Variants in DNAJB6 observed in about 807,000 individuals in gnomAD.
The protein encoded by DNAJB6 is DnaJ heat shock protein family (Hsp40) member B6.
A neutral mutation model predicts 42.7 loss-of-function variants in DNAJB6; 16 were observed. The ratio of observed to expected loss-of-function variants is 0.37; its 90% CI spans 0.25 to 0.57. The LOEUF (loss-of-function observed/expected upper bound fraction) is 0.57. Among genes scored for constraint, DNAJB6 ranks in the 20% least tolerant of loss-of-function variants. The pLI, the probability that DNAJB6 is intolerant of heterozygous loss-of-function variation, is 0.74. For missense variants in DNAJB6, 347 were observed against 416.8 expected, an observed-to-expected ratio of 0.83 and a Z score of 1.46; for synonymous variants, 170 against 163.5, an observed-to-expected ratio of 1.04 and a Z score of -0.30.
intron 1 of DNAJB6, among the ~76,000 whole-genome samples, chr7:157,346,394 A>C (rs1157493702): frequency 6.6e-6 from 1 of 151,248 alleles, no homozygotes; most frequent in East Asian, 1.9e-4. Flanking sequence ...GTATGTATCA[A>C]ATAATGCTAA....
At chr7:157,343,785 A>G (rs761369904) in intron 1 of DNAJB6, among the ~76,000 whole-genome samples, 2 of 152,206 alleles carry the variant, frequency 1.3e-5, no homozygotes, top group Non-Finnish European at 2.9e-5. Context: ...TCCTAAACTT[A>G]GAGGTCATTG....
At chr7:157,350,231 G>A (rs752284667) in intron 1 of DNAJB6, among the ~76,000 whole-genome samples, 2 of 152,170 alleles carry the variant, frequency 1.3e-5, no homozygotes, top group Non-Finnish European at 2.9e-5. Context: ...AAGACATTAC[G>A]ACATTGGAGC....
chr7:157,338,029 A>C (rs1798142500), intron 1 of DNAJB6, among the ~76,000 whole-genome samples: 2 of 152,210 alleles, frequency 1.3e-5, no homozygotes, highest in African/African-American at 4.8e-5. Flanking sequence ...GTTTGGGAAG[A>C]GTAGGCTGAG....
At chr7:157,361,302 GC>G (rs1799578328) in intron 2 of DNAJB6, among the ~76,000 whole-genome samples, 1 of 152,070 alleles carries the variant, frequency 6.6e-6, no homozygotes, top group African/African-American at 2.4e-5. Flanking sequence ...GGAACTGCAG[GC>G]GCCTGCCATG....
chr7:157,342,773 A>AG (rs1798471746), intron 1 of DNAJB6, among the ~76,000 whole-genome samples: 1 of 152,100 alleles, frequency 6.6e-6, no homozygotes, highest in African/African-American at 2.4e-5. Flanking sequence ...TTTTAATGAA[A>AG]GGGAGTTAAG....
chr7:157,366,996 C>CT (rs1799877292), intron 4 of DNAJB6, among the ~76,000 whole-genome samples: 2 of 152,354 alleles, frequency 1.3e-5, no homozygotes, highest in Admixed American at 1.3e-4. Context: ...TCCAAACCCA[C>CT]TGGGGCCACG....
chr7:157,368,846 A>T (rs1799969518), intron 5 of DNAJB6: 1 of 166,526 alleles, frequency 6.0e-6, no homozygotes, highest in Non-Finnish European at 1.3e-5. Flanking sequence ...TCGAGGAGGG[A>T]AAGAGAAGAG....
Position 157,382,239 on chromosome 7 carries a change from A to C in DNAJB6, c.347-7A>C, listed in dbSNP as rs755794590. The C allele has an allele frequency of 1.6e-5, 26 of 1,587,572 alleles. No homozygotes were observed. In the South Asian group the frequency reaches 2.7e-4, roughly 16 times the overall value. On this transcript the variant is annotated splice_polypyrimidine_tract_variant and splice_region_variant and intron_variant, in intron 5 of 9. Transcript: ENST00000262177. ...ACTTCATAGTGTGTGTTTATGTTTG[A>C]TTTTAGAAGACCCTTTTGAGGACTT...
chr7:157,382,445 C>CT (rs1433483435), intron 6 of DNAJB6, 68 bp downstream of exon 6: 1 of 1,496,626 alleles, frequency 6.7e-7, no homozygotes, highest in Non-Finnish European at 8.9e-7. Flanking sequence ...TCATAATACT[C>CT]TTTTAGTTAG....
rs1374148114 is a variant in DNAJB6, at chr7:157,367,962, C to CA, written c.346+487dup. On this transcript the variant is annotated intron_variant, in intron 5 of 9. Coordinates refer to ENST00000262177, the MANE Select transcript of DNAJB6 (RefSeq NM_058246.4). Reference sequence around the variant, plus strand: ...TGGTGAAACCCTGTCTCAACAACAACAAAAAAAATACTAAAAATTAGCTGA... The same window carrying CA: ...TGGTGAAACCCTGTCTCAACAACAACAAAAAAAAATACTAAAAATTAGCTGA... 5.9e-5 allele frequency among the ~76,000 whole-genome samples: 9 copies of CA among 151,554 alleles called. No individual in the cohort carries two copies. The South Asian group carries it at 1.2e-3, about 21-fold the overall frequency.
chr7:157,351,223 G>A (rs769653286), intron 1 of DNAJB6, among the ~76,000 whole-genome samples: 18 of 152,016 alleles, frequency 1.2e-4, no homozygotes, highest in Non-Finnish European at 2.1e-4. Flanking sequence ...TTTGAATACT[G>A]TCTCACTGTT....
rs144227992 is a variant in DNAJB6, at chr7:157,416,439, C to T, written c.*341C>T. 30 of 263,326 alleles carry T rather than the reference C, an allele frequency of 1.1e-4. No individual in the cohort carries two copies. The highest frequency in any genetic ancestry group is 6.1e-4 in the African/African-American group (28 of 45,984). The allele number at this position is 263,326 out of a possible 1,614,324, so 16.3% of individuals were successfully genotyped here. A position where few individuals can be genotyped will look rare whatever the true frequency, so the allele number is the denominator to read the frequency against. ...TGGAATATTTCTGGCTTTAGAAGTACAGGAGGGCGCAGATGGCTAACTGAG... is the reference window on the plus strand; with the variant it reads ...TGGAATATTTCTGGCTTTAGAAGTATAGGAGGGCGCAGATGGCTAACTGAG... On this transcript the variant is annotated 3_prime_UTR_variant, in exon 10 of 10. Coordinates refer to ENST00000262177, the MANE Select transcript of DNAJB6 (RefSeq NM_058246.4).
intron 1 of DNAJB6, among the ~76,000 whole-genome samples, chr7:157,354,315 T>C (rs1799162623): frequency 6.6e-6 from 1 of 151,994 alleles, no homozygotes; most frequent in Non-Finnish European, 1.5e-5. Flanking sequence ...GCCCGGCTAA[T>C]TTTGTATTTT....
chr7:157,350,277 TC>T (rs1798900749), intron 1 of DNAJB6, among the ~76,000 whole-genome samples: 1 of 152,190 alleles, frequency 6.6e-6, no homozygotes, highest in African/African-American at 2.4e-5. Context: ...GGTCAGGGTT[TC>T]TCAGGAGGAA....
intron 1 of DNAJB6, among the ~76,000 whole-genome samples, chr7:157,341,371 G>A (rs1252335306): frequency 2.6e-5 from 4 of 152,044 alleles, no homozygotes; most frequent in African/African-American, 7.2e-5. Flanking sequence ...TGATCCACCC[G>A]CCTCGGCCTC....
At chr7:157,374,353 G>A (rs868242995) in intron 5 of DNAJB6, among the ~76,000 whole-genome samples, 1 of 152,028 alleles carries the variant, frequency 6.6e-6, no homozygotes, top group African/African-American at 2.4e-5. Flanking sequence ...TGTACCTCCC[G>A]GGTTCAAGTG....
At chr7:157,387,505 C>T (rs1283251916) in intron 8 of DNAJB6, among the ~76,000 whole-genome samples, 6 of 152,256 alleles carry the variant, frequency 3.9e-5, no homozygotes, top group Non-Finnish European at 2.9e-5. Context: ...TGGACTAAGG[C>T]GTTTTATATT....
chr7:157,370,030 AACATTATTATTAAAC>A (rs1563128822), intron 5 of DNAJB6, among the ~76,000 whole-genome samples: 4 of 147,204 alleles, frequency 2.7e-5, no homozygotes, highest in East Asian at 2.0e-4. Flanking sequence ...GCCCTTTCTT[AACATTATTATTAAAC>A]AGGTCTTTCA....
At chr7:157,363,082 GTGGT>G in intron 2 of DNAJB6, 75 bp from the exon 3 acceptor site, 1 of 950,646 alleles carries the variant, frequency 1.1e-6, no homozygotes, top group Non-Finnish European at 1.6e-6. Context: ...AGCCATTCTC[GTGGT>G]TAATGATGTT....
Sources: gnomAD v4.1 joint callset for allele counts (sites outside exome capture counted in the v4.1 genomes callset) on GRCh38, gnomAD v4.1.1 for gene constraint, MANE v1.5 for transcripts, NCBI Gene and HGNC (gene_info 2026-07-23, HGNC 2026-07-21) for gene names.